The following FNDC3A variants were observed in gnomAD, a reference collection of about 807,000 sequenced individuals.
FNDC3A encodes fibronectin type III domain containing 3A, also known as fibronectin type-III domain-containing protein 3A.
A neutral mutation model predicts 148.9 loss-of-function variants in FNDC3A; 32 were observed. The observed-to-expected ratio is 0.21, with a 90% CI of 0.16 to 0.29. The LOEUF is 0.29. Among genes scored for constraint, FNDC3A ranks in the 10% least tolerant of loss-of-function variants. FNDC3A has a pLI of 1.00. For synonymous variants in FNDC3A, 472 were observed against 473.6 expected (o/e 1.00, Z 0.04); for missense variants, 1,191 against 1,452.8 (o/e 0.82, Z 2.93).
chr13:49,106,541 C>G (rs1880183999), intron 3 of FNDC3A, among the ~76,000 whole-genome samples: 1 of 152,160 alleles, frequency 6.6e-6, no homozygotes, highest in South Asian at 2.1e-4. Context: ...TCTTGAACTC[C>G]TGGGCTCAAG....
chr13:49,141,005 G>A (rs1357534151), intron 7 of FNDC3A, among the ~76,000 whole-genome samples: 1 of 152,114 alleles, frequency 6.6e-6, no homozygotes, highest in Non-Finnish European at 1.5e-5. Flanking sequence ...ACTGGACATG[G>A]CACATTTGAG....
Position 49,023,473 on chromosome 13 carries a change from CTG to C in FNDC3A, c.99+17186_99+17187del, listed in dbSNP as rs200307780. Among the ~76,000 whole-genome samples, 146 of 151,420 alleles carry C rather than the reference CTG, an allele frequency of 9.6e-4. 2 individuals carry two copies. The East Asian group carries it at 0.026, about 27-fold the overall frequency. On this transcript the variant is annotated intron_variant, in intron 2 of 25. Coordinates refer to ENST00000492622, the MANE Select transcript of FNDC3A (RefSeq NM_001079673.2). ...TTATATATTTAATATGTTTTTAAAACTGTTATGAAAGAGAATCATCAAACTCT... is the reference window on the plus strand; with the variant it reads ...TTATATATTTAATATGTTTTTAAAACTTATGAAAGAGAATCATCAAACTCT...
intron 4 of FNDC3A, among the ~76,000 whole-genome samples, chr13:49,121,911 A>C (rs536388983): frequency 1.3e-5 from 2 of 152,332 alleles, no homozygotes; most frequent in African/African-American, 4.8e-5. Flanking sequence ...GCCTAATTCT[A>C]CCAGAGGTAC....
intron 2 of FNDC3A, among the ~76,000 whole-genome samples, chr13:49,031,623 A>G (rs1874125305): frequency 6.6e-6 from 1 of 152,192 alleles, no homozygotes; most frequent in South Asian, 2.1e-4. Flanking sequence ...TACCATCTAC[A>G]AAACTAACTC....
Position 49,025,519 on chromosome 13 carries a change from T to TCAGA in FNDC3A, c.99+19230_99+19231insCAGA, listed in dbSNP as rs1336530919. Among the ~76,000 whole-genome samples the TCAGA allele has an allele frequency of 2.0e-5, 3 of 152,096 alleles. No homozygotes were observed. The East Asian group carries it at 5.8e-4, about 29-fold the overall frequency. ...ACATGTTATTGACCACTTAATAGCC[T>TCAGA]ATATACCTATATAATACAGAAACTG... is the stretch of plus-strand genomic sequence containing the variant. On this transcript the variant is annotated intron_variant, in intron 2 of 25. Transcript: ENST00000492622.
At chr13:49,030,772 A>G (rs549804420) in intron 2 of FNDC3A, among the ~76,000 whole-genome samples, 45 of 152,322 alleles carry the variant, frequency 3.0e-4, no homozygotes, top group African/African-American at 1.0e-3. Flanking sequence ...ATAAAAAAGA[A>G]TAAAATACTT....
chr13:49,089,485 T>C (rs1376654058), intron 3 of FNDC3A, among the ~76,000 whole-genome samples: 2 of 152,210 alleles, frequency 1.3e-5, no homozygotes, highest in Non-Finnish European at 2.9e-5. Flanking sequence ...TGAGTCCTTA[T>C]GAAAAGAGGG....
chr13:49,113,324 A>G (rs1593606637), intron 3 of FNDC3A, among the ~76,000 whole-genome samples: 4 of 144,238 alleles, frequency 2.8e-5, no homozygotes, highest in Non-Finnish European at 6.0e-5. Context: ...CACCCCGTTT[A>G]GTAGTTTCCC....
chr13:49,172,187 ATTCTTCTGTC>A, intron 11 of FNDC3A, 91 bp downstream of exon 11: 3 of 743,630 alleles, frequency 4.0e-6, no homozygotes, highest in Admixed American at 5.3e-5. Context: ...CATCAAGTAT[ATTCTTCTGTC>A]AAAAAAAGTA....
chr13:49,140,106 G>A (rs1200028295), intron 7 of FNDC3A, among the ~76,000 whole-genome samples: 1 of 152,164 alleles, frequency 6.6e-6, no homozygotes, highest in Non-Finnish European at 1.5e-5. Context: ...ACCAAGACAA[G>A]AAGATCACTT....
In FNDC3A at chr13:49,187,109, C is replaced by T. The variant is rs1379145252; in HGVS notation, c.1757-13C>T. On this transcript the variant is annotated splice_polypyrimidine_tract_variant and intron_variant, in intron 15 of 25. Transcript: ENST00000492622. ...TTGTACCTTGCCTAATACTACTTTG[C>T]TTCTTTGGATAGATCCACCAAAAGA... is the stretch of plus-strand genomic sequence containing the variant. The T allele has an allele frequency of 6.2e-7, 1 of 1,600,424 alleles. No homozygotes were observed.
chr13:49,199,026 AT>A (rs757168526), intron 23 of FNDC3A, among the ~76,000 whole-genome samples: 67 of 146,846 alleles, frequency 4.6e-4, no homozygotes, highest in Non-Finnish European at 4.2e-4. Context: ...GCAGGACACA[AT>A]TTTTTTTTTT....
intron 2 of FNDC3A, among the ~76,000 whole-genome samples, chr13:49,062,915 C>T (rs1465781515): frequency 6.6e-6 from 1 of 152,116 alleles, no homozygotes; most frequent in Non-Finnish European, 1.5e-5. Flanking sequence ...TAAATTTCAC[C>T]TCCTGCTATT....
chr13:49,083,181 A>G (rs1878590557), intron 3 of FNDC3A, among the ~76,000 whole-genome samples: 1 of 152,310 alleles, frequency 6.6e-6, no homozygotes, highest in South Asian at 2.1e-4. Context: ...GGAATTTTGT[A>G]GCCACCCACC....
intron 19 of FNDC3A, among the ~76,000 whole-genome samples, chr13:49,196,373 A>C (rs1251811983): frequency 6.6e-6 from 1 of 152,226 alleles, no homozygotes; most frequent in Non-Finnish European, 1.5e-5. Context: ...AGTAATTATG[A>C]GAAAGTGAGC....
chr13:49,158,629 C>T (rs1883882004), intron 8 of FNDC3A, among the ~76,000 whole-genome samples: 2 of 152,296 alleles, frequency 1.3e-5, no homozygotes, highest in South Asian at 4.1e-4. Flanking sequence ...TTAATTAGAT[C>T]CCATTTGTCT....
chr13:49,019,463 A>T (rs1873140014), intron 2 of FNDC3A, among the ~76,000 whole-genome samples: 1 of 152,130 alleles, frequency 6.6e-6, no homozygotes, highest in Non-Finnish European at 1.5e-5. Flanking sequence ...GCTTCGGCTC[A>T]CGCAGGGTGC....
intron 1 of FNDC3A, among the ~76,000 whole-genome samples, chr13:48,983,230 T>C (rs1050543005): frequency 5.9e-5 from 9 of 152,216 alleles, no homozygotes; most frequent in Admixed American, 4.6e-4. Context: ...TTCACTTGTG[T>C]GAGTCCTTCC....
intron 16 of FNDC3A, chr13:49,187,690 C>A: frequency 6.5e-7 from 1 of 1,542,026 alleles, no homozygotes; most frequent in Non-Finnish European, 9.0e-7. Context: ...GGAAGCTCTG[C>A]GAAAGGCACA....
Sources: allele counts gnomAD v4.1 joint callset (sites outside exome capture counted in the v4.1 genomes callset), GRCh38; gene constraint gnomAD v4.1.1; transcripts MANE v1.5; gene names NCBI Gene and HGNC (gene_info 2026-07-23, HGNC 2026-07-21).